KNDC1: variants seen among roughly 807,000 people sequenced by gnomAD.
The protein encoded by KNDC1 is kinase non-catalytic C-lobe domain-containing protein 1.
KNDC1 carries 106 observed loss-of-function variants against 172.8 expected under a neutral mutation model. That is an observed-to-expected ratio of 0.61 (90% confidence interval 0.52 to 0.72). The LOEUF (loss-of-function observed/expected upper bound fraction) is 0.72, where lower values mean the gene tolerates loss of function less well. Among genes scored for constraint, KNDC1 ranks in the 30% least tolerant of loss-of-function variants. KNDC1 has a pLI of 0.00. For missense variants in KNDC1, 2,325 were observed against 2,394.5 expected (o/e 0.97, Z 0.61); for synonymous variants, 1,083 against 1,062.2 (o/e 1.02, Z -0.38).
At chr10:133,192,085 A>AATCC (rs1436654027) in intron 9 of KNDC1, among the ~76,000 whole-genome samples, 1 of 152,402 alleles carries the variant, frequency 6.6e-6, no homozygotes, top group East Asian at 1.9e-4. Flanking sequence ...TGCCCAAAGC[A>AATCC]ATCCGCAGAG....
At chr10:133,182,821 C>T (rs971356745) in intron 3 of KNDC1, among the ~76,000 whole-genome samples, 5 of 152,194 alleles carry the variant, frequency 3.3e-5, no homozygotes, top group South Asian at 2.1e-4. Flanking sequence ...ACTGCGCGGG[C>T]GGCGAGGGCG....
chr10:133,212,187 C>A (rs1845382054), intron 23 of KNDC1, among the ~76,000 whole-genome samples: 1 of 151,584 alleles, frequency 6.6e-6, no homozygotes, highest in Non-Finnish European at 1.5e-5. Flanking sequence ...CACATATCCA[C>A]ACCTACACGT....
At chr10:133,200,595 G>A (rs1854335744) in intron 16 of KNDC1, 135 bp downstream of exon 16, 3 of 697,180 alleles carry the variant, frequency 4.3e-6, no homozygotes, top group Non-Finnish European at 4.2e-6. Flanking sequence ...TGCCCCGGGG[G>A]TGCCCAGCCA....
Position 133,201,805 on chromosome 10 carries a change from C to T in KNDC1, c.3294C>T (p.Tyr1098=), listed in dbSNP as rs569324035. ...SCSPGWCSAF[Y]EADCFGADVH... ...GCCCCGGCTGGTGCAGCGCCTTCTA[C>T]GAGGCCGACTGCTTCGGGGCCGACG... Residue 1098 remains tyrosine (Y), a synonymous_variant, in exon 17 of 30, where the codon TAC becomes TAT. Coordinates refer to ENST00000304613, the MANE Select transcript of KNDC1 (RefSeq NM_152643.8). The T allele has an allele frequency of 2.6e-6, 4 of 1,515,984 alleles. No homozygotes were observed. The highest frequency in any genetic ancestry group is 1.4e-5 in the African/African-American group (1 of 72,008). 93.9% of individuals were successfully genotyped at this position (1,515,984 alleles called of 1,614,324 possible). A position where few individuals can be genotyped will look rare whatever the true frequency, so the allele number is the denominator to read the frequency against.
At chr10:133,211,628 C>A (rs41283311) in intron 22 of KNDC1, 51 bp from the exon 23 acceptor site, 2 of 1,595,918 alleles carry the variant, frequency 1.3e-6, no homozygotes, top group South Asian at 2.2e-5. Context: ...GGAGGTGCCG[C>A]CCTCCTCCAG....
intron 20 of KNDC1, among the ~76,000 whole-genome samples, chr10:133,207,640 G>C (rs9418942): frequency 0.37 from 56,632 of 152,118 alleles, 11,973 homozygotes; most frequent in East Asian, 0.62. Context: ...ACACGGAATG[G>C]CTTCCAAAAA....
chr10:133,214,994 G>C (rs909621109), intron 26 of KNDC1, among the ~76,000 whole-genome samples: 3 of 152,224 alleles, frequency 2.0e-5, no homozygotes, highest in Admixed American at 6.5e-5. Context: ...TCACCCAGCA[G>C]ACGGACAGCC....
intron 17 of KNDC1, chr10:133,202,210 G>C (rs1175267045): frequency 4.6e-6 from 3 of 646,532 alleles, no homozygotes; most frequent in African/African-American, 3.6e-5. Context: ...TCGTGACCAG[G>C]TTGCGTTCGG....
intron 29 of KNDC1, among the ~76,000 whole-genome samples, chr10:133,222,292 A>AC (rs1394137526): frequency 6.6e-6 from 1 of 151,776 alleles, no homozygotes; most frequent in East Asian, 1.9e-4. Context: ...CAAAAAAAAA[A>AC]AAAAACTTAA....
At position 133,225,359 on chromosome 10, in the gene KNDC1, A is replaced by C; in HGVS notation, c.*469A>C. The stretch of plus-strand genomic sequence containing the variant: ...GCTGAGCAACGAAGGGCCAAAGCTG[A>C]CCTCTGAGTGGCCAACTGCAGCTCC... On this transcript the variant is annotated 3_prime_UTR_variant, in exon 30 of 30. Coordinates refer to ENST00000304613, the MANE Select transcript of KNDC1 (RefSeq NM_152643.8). 1 of 180,978 alleles carries C rather than the reference A, an allele frequency of 5.5e-6. No homozygotes were observed. 11.2% of individuals were successfully genotyped at this position (180,978 alleles called of 1,614,324 possible). A position where few individuals can be genotyped will look rare whatever the true frequency, so the allele number is the denominator to read the frequency against.
Position 133,224,579 on chromosome 10 carries a change from G to C in KNDC1, c.5019-80G>C, listed in dbSNP as rs536031381. On this transcript the variant is annotated intron_variant, in intron 29 of 29. Transcript: ENST00000304613. The surrounding 1 kb of genome is among the most constrained non-coding windows in gnomAD (Gnocchi z 5.4). ...AAGATTTAGTCCAAATGATTCCTAA[G>C]AACGCGGGGGGACTCCCTCCCCACG... is the stretch of plus-strand genomic sequence containing the variant. 2.0e-4 allele frequency: 190 copies of C among 961,648 alleles called. 5 individuals are homozygous for C. The South Asian group carries it at 2.9e-3, about 15-fold the overall frequency. The allele number at this position is 961,648 out of a possible 1,614,324, so 59.6% of individuals were successfully genotyped here.
chr10:133,218,722 C>T lies in KNDC1; in HGVS notation c.4678-109C>T, dbSNP rs1465075329. 6.5e-6 allele frequency: 9 copies of T among 1,375,298 alleles called. No homozygotes were observed. In the African/African-American group the frequency reaches 8.6e-5, roughly 13 times the overall value. The allele number at this position is 1,375,298 out of a possible 1,614,324, so 85.2% of individuals were successfully genotyped here. ...CCGCTTCCTTTCCACACACGTGATG[C>T]AGCACACGCTCTTGTGTCTTGGAGC... On this transcript the variant is annotated intron_variant, in intron 26 of 29. Transcript: ENST00000304613.
rs2136012814 is a variant in KNDC1 at position 133,206,897 on chromosome 10, C to A, written c.3523C>A (p.Leu1175Ile). ...KTMLSKLKGQ[L>I]EEMKSRVQFL... ...CATGCTGTCCAAGCTGAAAGGGCAGCTAGAAGAAATGAAATCCAGGGTGCA... is the reference window on the plus strand; with the variant it reads ...CATGCTGTCCAAGCTGAAAGGGCAGATAGAAGAAATGAAATCCAGGGTGCA... The change falls in exon 19 of 30, where the codon CTA (leucine) becomes ATA (isoleucine). Residue 1175 changes from leucine to isoleucine, a missense_variant. By Grantham distance (5) the Leu-to-Ile change is conservative (BLOSUM62 2). Coordinates refer to ENST00000304613, the MANE Select transcript of KNDC1 (RefSeq NM_152643.8). 1 of 1,614,128 alleles carries A rather than the reference C, an allele frequency of 6.2e-7. No individual in the cohort carries two copies. Among genetic ancestry groups the A allele is most frequent in the South Asian group, 1.1e-5 (1 of 91,084 alleles).
intron 21 of KNDC1, 132 bp from the exon 22 acceptor site, chr10:133,211,290 A>G: frequency 5.8e-6 from 2 of 345,178 alleles, no homozygotes; most frequent in Non-Finnish European, 8.2e-6. Context: ...GAAGACCCCC[A>G]GCCCCCTAAG....
At chr10:133,184,384 GCGCACACA>G (rs1250610121) in intron 5 of KNDC1, among the ~76,000 whole-genome samples, 1 of 133,590 alleles carries the variant, frequency 7.5e-6, no homozygotes. Flanking sequence ...CACACATGCT[GCGCACACA>G]CACGCACACA....
chr10:133,194,833 A>T (rs550137860), intron 9 of KNDC1, among the ~76,000 whole-genome samples: 1 of 152,358 alleles, frequency 6.6e-6, no homozygotes, highest in East Asian at 1.9e-4. Flanking sequence ...GATGTGATTA[A>T]ACTTAAAAGT....
Position 133,163,906 on chromosome 10 carries a change from GAT to G in KNDC1, c.102+3338_102+3339del. ...TTCCCAAATCCCTCCTCCCACCTGG[GAT>G]GGGGGTGGAGTTCGTGGCCACCTGC... On this transcript the variant is annotated intron_variant, in intron 1 of 29. Transcript: ENST00000304613. The surrounding 1 kb of genome is among the most constrained non-coding windows in gnomAD (Gnocchi z 4.4). Among the ~76,000 whole-genome samples, 1 of 145,078 alleles carries G rather than the reference GAT, an allele frequency of 6.9e-6. No individual in the cohort carries two copies. The highest frequency in any genetic ancestry group is 1.5e-5 in the Non-Finnish European group (1 of 65,078).
At chr10:133,175,528 G>A (rs932118882) in intron 3 of KNDC1, among the ~76,000 whole-genome samples, 4 of 150,930 alleles carry the variant, frequency 2.7e-5, no homozygotes, top group African/African-American at 9.7e-5. Flanking sequence ...GGATGGGTGG[G>A]TGGATGGTTG....
Position 133,200,378 on chromosome 10 carries a change from G to GGCC in KNDC1, c.2909_2911dup (p.Ala970dup). The stretch of plus-strand genomic sequence containing the variant: ...TGACCTGCATTCTCGTCGTCAGCAC[G>GGCC]GCCGAGGAGGCTGGGTCACAGCTCG... On this transcript the variant is annotated inframe_insertion, in exon 16 of 30. Transcript: ENST00000304613. The GGCC allele has an allele frequency of 6.3e-7, 1 of 1,588,546 alleles. No individual in the cohort carries two copies. The highest frequency in any genetic ancestry group is 8.6e-7 in the Non-Finnish European group (1 of 1,168,696).
Sources: gnomAD v4.1 joint callset for allele counts (sites outside exome capture counted in the v4.1 genomes callset) on GRCh38, gnomAD v4.1.1 for gene constraint, Gnocchi (gnomAD v3.1) non-coding constraint, MANE v1.5 for transcripts, NCBI Gene and HGNC (gene_info 2026-07-23, HGNC 2026-07-21) for gene names.